NRXN3: variants seen among roughly 807,000 people sequenced by gnomAD.
NRXN3 encodes neurexin III.
Under a neutral mutation model 137.6 loss-of-function variants are expected in NRXN3, and 32 were observed. That is an observed-to-expected ratio of 0.23 (90% CI 0.18 to 0.31). The LOEUF (loss-of-function observed/expected upper bound fraction) is 0.31. Ranked by LOEUF, NRXN3 falls within the 10% of genes least tolerant of loss-of-function variation. The probability of loss-of-function intolerance (pLI) is 1.00; values close to 1 mark genes in which losing one functional copy is unlikely to be tolerated. For synonymous variants in NRXN3, 798 were observed against 784.5 expected, an observed-to-expected ratio of 1.02 and a Z score of -0.29; for missense variants, 1,574 against 2,062.5, an observed-to-expected ratio of 0.76 and a Z score of 4.59.
chr14:79,672,021 T>G (rs1413290932), intron 17 of NRXN3, among the ~76,000 whole-genome samples: 1 of 152,058 alleles, frequency 6.6e-6, no homozygotes, highest in African/African-American at 2.4e-5. Context: ...TTTTTATAAT[T>G]ATAAGGATTT....
At chr14:79,349,545 T>TACACACACAC (rs71131694) in intron 15 of NRXN3, among the ~76,000 whole-genome samples, 4 of 137,634 alleles carry the variant, frequency 2.9e-5, no homozygotes, top group African/African-American at 8.1e-5. Context: ...GAAAAAAAAA[T>TACACACACAC]ACACACACAC....
chr14:79,061,867 T>A (rs566228312), intron 15 of NRXN3, among the ~76,000 whole-genome samples: 1 of 151,964 alleles, frequency 6.6e-6, no homozygotes, highest in Non-Finnish European at 1.5e-5. Flanking sequence ...AATGCCAGAG[T>A]GGGCAGAAAG....
intron 8 of NRXN3, among the ~76,000 whole-genome samples, chr14:78,772,543 A>T (rs2098731758): frequency 6.6e-6 from 1 of 152,238 alleles, no homozygotes; most frequent in African/African-American, 2.4e-5. Context: ...AATGACAATG[A>T]TAAAAAGGAA....
chr14:79,363,236 G>A (rs2093751390), intron 15 of NRXN3, among the ~76,000 whole-genome samples: 1 of 152,152 alleles, frequency 6.6e-6, no homozygotes, highest in African/African-American at 2.4e-5. Context: ...CTGACCTCAG[G>A]TGATCCACCT....
At chr14:78,643,312 C>T (rs2097653785) in intron 4 of NRXN3, among the ~76,000 whole-genome samples, 1 of 152,096 alleles carries the variant, frequency 6.6e-6, no homozygotes, top group South Asian at 2.1e-4. Flanking sequence ...AAATATAATT[C>T]TCTCAACCTT....
intron 15 of NRXN3, among the ~76,000 whole-genome samples, chr14:79,247,634 A>T (rs2075366734): frequency 6.6e-6 from 1 of 152,174 alleles, no homozygotes. Flanking sequence ...TTTAAAATGG[A>T]AACAGCCAAA....
intron 15 of NRXN3, among the ~76,000 whole-genome samples, chr14:79,237,239 T>C (rs1234584815): frequency 1.1e-4 from 16 of 152,122 alleles, no homozygotes; most frequent in Admixed American, 1.0e-3. Flanking sequence ...CAGACACATG[T>C]TTTTAAAAAA....
At position 79,697,697 on chromosome 14, in the gene NRXN3, C is replaced by G. The variant is rs1237313511; in HGVS notation, c.3774C>G (p.Leu1258=). 3.1e-6 allele frequency: 5 copies of G among 1,613,082 alleles called. No individual in the cohort carries two copies. The highest frequency in any genetic ancestry group is 3.3e-4 in the Middle Eastern group (2 of 6,046). Residue 1258 remains leucine, a synonymous_variant, in exon 19 of 21, where the codon CTC becomes CTG. Transcript: ENST00000335750. Reference sequence around the variant, plus strand: ...TTGGTGGAAAGGACAAAGGACGCCTCTTCCAAGGCCAACTCTCTGGGCTCT... The same window carrying G: ...TTGGTGGAAAGGACAAAGGACGCCTGTTCCAAGGCCAACTCTCTGGGCTCT... The part of the protein sequence containing the change: ...IAIGGKDKGR[L]FQGQLSGLYY...
At chr14:78,536,511 A>G (rs1289326585) in intron 4 of NRXN3, among the ~76,000 whole-genome samples, 1 of 152,172 alleles carries the variant, frequency 6.6e-6, no homozygotes, top group Non-Finnish European at 1.5e-5. Flanking sequence ...TTTGTATTAT[A>G]TTGTACAGAA....
intron 4 of NRXN3, among the ~76,000 whole-genome samples, chr14:78,403,314 G>T (rs2092245265): frequency 1.3e-5 from 2 of 152,202 alleles, no homozygotes. Context: ...GCTTCAAAAT[G>T]TCCTCTTTAG....
At chr14:79,036,945 G>C (rs2099617115) in intron 15 of NRXN3, among the ~76,000 whole-genome samples, 1 of 152,060 alleles carries the variant, frequency 6.6e-6, no homozygotes, top group African/African-American at 2.4e-5. Context: ...ATATTTGAAA[G>C]TGTCTGAAAC....
chr14:79,079,850 T>C (rs2046627115), intron 15 of NRXN3, among the ~76,000 whole-genome samples: 1 of 152,024 alleles, frequency 6.6e-6, no homozygotes, highest in Non-Finnish European at 1.5e-5. Flanking sequence ...TAGCCGGGCG[T>C]GGTGGTGCAC....
At chr14:79,827,155 A>G (rs1015016542) in intron 20 of NRXN3, among the ~76,000 whole-genome samples, 1 of 152,226 alleles carries the variant, frequency 6.6e-6, no homozygotes, top group African/African-American at 2.4e-5. Flanking sequence ...GTGACCTCCA[A>G]ATAAATGTGT....
intron 4 of NRXN3, among the ~76,000 whole-genome samples, chr14:78,617,838 T>C (rs1402528117): frequency 2.0e-5 from 3 of 151,684 alleles, no homozygotes; most frequent in Non-Finnish European, 4.4e-5. Flanking sequence ...TATATCTATA[T>C]CTGTCTATCT....
At chr14:78,688,873 A>G (rs761889748) in intron 6 of NRXN3, among the ~76,000 whole-genome samples, 1 of 152,106 alleles carries the variant, frequency 6.6e-6, no homozygotes, top group Middle Eastern at 3.4e-3. Context: ...TTGAGCGCTC[A>G]CATTAATAAA....
chr14:79,541,199 T>G (rs750775394), intron 16 of NRXN3, among the ~76,000 whole-genome samples: 5 of 152,292 alleles, frequency 3.3e-5, no homozygotes, highest in Non-Finnish European at 5.9e-5. Flanking sequence ...CCACCTGAGT[T>G]TGAGACCAGC....
chr14:79,528,536 T>A (rs1006507896), intron 16 of NRXN3, among the ~76,000 whole-genome samples: 1 of 152,144 alleles, frequency 6.6e-6, no homozygotes, highest in African/African-American at 2.4e-5. Flanking sequence ...TGGAATGATA[T>A]ATGTGTGTGT....
intron 4 of NRXN3, among the ~76,000 whole-genome samples, chr14:78,422,444 T>C (rs1018040127): frequency 8.5e-5 from 13 of 152,194 alleles, no homozygotes; most frequent in Admixed American, 7.2e-4. Context: ...AACTCTTCAA[T>C]GCAAAGGTTT....
In NRXN3 at chr14:79,643,669, C is replaced by T. The variant is rs751099347; in HGVS notation, c.3445-20109C>T. Among the ~76,000 whole-genome samples the T allele has an allele frequency of 8.9e-5, 12 of 134,348 alleles. 2 individuals carry two copies. The allele number at this position is 134,348 out of a possible 152,430, so 88.1% of individuals were successfully genotyped here. On this transcript the variant is annotated intron_variant, in intron 16 of 20. Coordinates refer to ENST00000335750, the MANE Select transcript of NRXN3 (RefSeq NM_001330195.2). ...CATCCAAACTAACCCACTGATTAGA[C>T]TTCATTTTTCTTTTAATTACTGCTT...
Sources: gnomAD v4.1 joint callset for allele counts (sites outside exome capture counted in the v4.1 genomes callset) on GRCh38, gnomAD v4.1.1 for gene constraint, MANE v1.5 for transcripts, NCBI Gene and HGNC (gene_info 2026-07-23, HGNC 2026-07-21) for gene names.